The following LINGO1 variants were observed in gnomAD, a reference collection of about 807,000 sequenced individuals.
LINGO1 encodes the protein leucine rich repeat and Ig domain containing 1, also known as leucine-rich repeat and immunoglobulin-like domain-containing nogo receptor-interacting protein 1.
In LINGO1, 11 loss-of-function variants were observed where a neutral mutation model predicts 37.3. The ratio of observed to expected loss-of-function variants is 0.29; its 90% confidence interval spans 0.19 to 0.49. LINGO1 has a LOEUF of 0.49. Ranked by LOEUF, LINGO1 falls within the 20% of genes least tolerant of loss-of-function variation. The pLI, the probability that LINGO1 is intolerant of heterozygous loss-of-function variation, is 0.99. For missense variants in LINGO1, 585 were observed against 878.2 expected, an observed-to-expected ratio of 0.67 and a Z score of 4.22; for synonymous variants, 387 against 403.0, an observed-to-expected ratio of 0.96 and a Z score of 0.48.
At chr15:77,644,305 GCCGGAGGAGCCACAGCTGTA>G (rs997410110) in intron 3 of LINGO1, among the ~76,000 whole-genome samples, 1 of 152,194 alleles carries the variant, frequency 6.6e-6, no homozygotes, top group African/African-American at 2.4e-5. Context: ...GCCCAGCTGT[GCCGGAGGAGCCACAGCTGTA>G]CCCGGGCTGT....
At position 77,758,305 on chromosome 15, in the gene LINGO1, G is replaced by A. The variant is rs147560444; in HGVS notation, c.-256-23252C>T. 2.5e-4 allele frequency among the ~76,000 whole-genome samples: 38 copies of A among 152,334 alleles called. 1 individual carries two copies. Among genetic ancestry groups the A allele is most frequent in the African/African-American group, 8.9e-4 (37 of 41,576 alleles). ...ACAGAAGAAAGAGCACTGGACTGGAGGTTGAGAGTCCGGCTTCACCCCTCA... is the reference window on the plus strand; with the variant it reads ...ACAGAAGAAAGAGCACTGGACTGGAAGTTGAGAGTCCGGCTTCACCCCTCA... On this transcript the variant is annotated intron_variant, in intron 1 of 3. Transcript: ENST00000561686.
chr15:77,635,644 C>G (rs1270860694), upstream of LINGO1, among the ~76,000 whole-genome samples: 1 of 152,208 alleles, frequency 6.6e-6, no homozygotes, highest in African/African-American at 2.4e-5. Context: ...GCTGGACCAC[C>G]CTGGTGGCGT....
intron 1 of LINGO1, among the ~76,000 whole-genome samples, chr15:77,772,423 G>C (rs1247265438): frequency 6.6e-6 from 1 of 152,126 alleles, no homozygotes; most frequent in Non-Finnish European, 1.5e-5. Flanking sequence ...CAGCATCCCC[G>C]AGTGTACAGG....
chr15:77,785,701 C>T (rs2076764416), intron 1 of LINGO1, among the ~76,000 whole-genome samples: 1 of 152,176 alleles, frequency 6.6e-6, no homozygotes, highest in African/African-American at 2.4e-5. Context: ...CTATTCCCAA[C>T]CACACGTGCT....
intron 1 of LINGO1, among the ~76,000 whole-genome samples, chr15:77,766,470 A>G (rs998471727): frequency 6.6e-6 from 1 of 152,134 alleles, no homozygotes; most frequent in Non-Finnish European, 1.5e-5. Context: ...AAGAGAATTG[A>G]TATGATTTGG....
intron 1 of LINGO1, among the ~76,000 whole-genome samples, chr15:77,743,957 G>A (rs1402358564): frequency 6.6e-6 from 1 of 152,220 alleles, no homozygotes; most frequent in Non-Finnish European, 1.5e-5. Flanking sequence ...CAAGCCACAA[G>A]TATTTCTTGA....
In LINGO1 at chr15:77,632,677, C is replaced by A. The variant is rs1270260225; in HGVS notation, c.-362G>T. ...CTGCCGCTGGGGCCGGGGTCGAGGC[C>A]GGGCGCGCTCCGCCGCGGGGCCGGG... On this transcript the variant is annotated 5_prime_UTR_variant, in exon 1 of 2. Transcript: ENST00000355300. The surrounding 1 kb of genome is among the most constrained non-coding windows in gnomAD (Gnocchi z 6.0). Among the ~76,000 whole-genome samples, 1 of 145,784 alleles carries A rather than the reference C, an allele frequency of 6.9e-6. No individual in the cohort carries two copies. The highest frequency in any genetic ancestry group is 6.8e-5 in the Admixed American group (1 of 14,708).
At chr15:77,813,641 T>C (rs550301268) in intron 1 of LINGO1, among the ~76,000 whole-genome samples, 3 of 152,266 alleles carry the variant, frequency 2.0e-5, no homozygotes, top group Non-Finnish European at 2.9e-5. Context: ...AGTGATACGT[T>C]GAATGATCAT....
At chr15:77,704,389 C>T (rs565628139) in intron 2 of LINGO1, among the ~76,000 whole-genome samples, 1 of 151,138 alleles carries the variant, frequency 6.6e-6, no homozygotes, top group Non-Finnish European at 1.5e-5. Context: ...TGAACCCCGA[C>T]CCTGATCACA....
chr15:77,711,451 T>A lies in LINGO1; in HGVS notation c.-194-20550A>T, dbSNP rs541439294. ...ACCTTCCTGCCCTGTTTCCCCAACTTCCAAGTAGGCCTGAGGCCTGCATCC... is the reference window on the plus strand; with the variant it reads ...ACCTTCCTGCCCTGTTTCCCCAACTACCAAGTAGGCCTGAGGCCTGCATCC... On this transcript the variant is annotated intron_variant, in intron 2 of 3. Transcript: ENST00000561686. Among the ~76,000 whole-genome samples, 3 of 152,238 alleles carry A rather than the reference T, an allele frequency of 2.0e-5. No homozygotes were observed. The South Asian group carries it at 6.2e-4, about 32-fold the overall frequency.
chr15:77,624,938 A>G (rs1009632166), intron 1 of LINGO1, among the ~76,000 whole-genome samples: 4 of 152,158 alleles, frequency 2.6e-5, no homozygotes, highest in African/African-American at 9.7e-5. Context: ...TCTCGGGGAC[A>G]GGAAGATGCC....
intron 1 of LINGO1, among the ~76,000 whole-genome samples, chr15:77,628,574 T>C (rs558954770): frequency 1.3e-5 from 2 of 152,050 alleles, no homozygotes; most frequent in Admixed American, 6.5e-5. Flanking sequence ...TAATTTAGAG[T>C]AGTCATTGAA....
At position 77,632,767 on chromosome 15, in the gene LINGO1, CG is replaced by C. The variant is rs1277293565; in HGVS notation, c.-453del. Among the ~76,000 whole-genome samples, 6 of 145,834 alleles carry C rather than the reference CG, an allele frequency of 4.1e-5. No individual in the cohort carries two copies. The highest frequency in any genetic ancestry group is 6.1e-5 in the Non-Finnish European group (4 of 65,748). On this transcript the variant is annotated 5_prime_UTR_variant, in exon 1 of 2. Transcript: ENST00000355300. This position sits in a 1 kb window ranked among gnomAD's most constrained non-coding sequence, Gnocchi z 6.0. ...CGTCGGGAGAGGGGCCGGAGCGGCG[CG>C]GGTGGGGACTCCGCGCCCTCCGGGG...
upstream of LINGO1, among the ~76,000 whole-genome samples, chr15:77,700,357 G>A (rs929974625): frequency 2.6e-5 from 4 of 152,242 alleles, no homozygotes; most frequent in African/African-American, 9.6e-5. Context: ...TTTCACAGAG[G>A]TGGCAGCTTT....
chr15:77,703,528 G>A (rs1408235027), intron 2 of LINGO1, among the ~76,000 whole-genome samples: 1 of 152,160 alleles, frequency 6.6e-6, no homozygotes, highest in Admixed American at 6.5e-5. Context: ...AAGGTGTCCA[G>A]GCCTACAGCA....
intron 1 of LINGO1, among the ~76,000 whole-genome samples, chr15:77,746,301 T>C (rs79819106): frequency 6.6e-6 from 1 of 151,246 alleles, no homozygotes; most frequent in African/African-American, 2.4e-5. Flanking sequence ...GCAAAATGGG[T>C]ATAAACAACA....
At chr15:77,754,084 G>C (rs2076396846) in intron 1 of LINGO1, among the ~76,000 whole-genome samples, 1 of 151,834 alleles carries the variant, frequency 6.6e-6, no homozygotes, top group African/African-American at 2.4e-5. Flanking sequence ...AGTGGGAGCA[G>C]GGATGGGGGA....
upstream of LINGO1, among the ~76,000 whole-genome samples, chr15:77,636,689 T>TG (rs951590796): frequency 1.2e-4 from 18 of 152,128 alleles, no homozygotes; most frequent in African/African-American, 3.6e-4. Flanking sequence ...GAGGTTGCCC[T>TG]GGGGGGGTCT....
chr15:77,787,762 T>C (rs371459418), upstream of LINGO1: 1 of 152,194 alleles, frequency 6.6e-6, no homozygotes, highest in Non-Finnish European at 1.5e-5. Flanking sequence ...CTTTTTATTA[T>C]TCAGAAGAGC....
Sources: gnomAD v4.1 joint callset for allele counts (sites outside exome capture counted in the v4.1 genomes callset) on GRCh38, gnomAD v4.1.1 for gene constraint, Gnocchi (gnomAD v3.1) non-coding constraint, MANE v1.5 for transcripts, NCBI Gene and HGNC (gene_info 2026-07-23, HGNC 2026-07-21) for gene names.